Variants in AP1G1 observed in about 807,000 individuals in gnomAD.
The protein encoded by AP1G1 is AP-1 complex subunit gamma-1.
Under a neutral mutation model 108.3 loss-of-function variants are expected in AP1G1, and 7 were observed. That is an observed-to-expected ratio of 0.06 (90% CI 0.04 to 0.12). The LOEUF is 0.12. AP1G1 is among the 10% of genes least tolerant of loss of function. The pLI is 1.00. For synonymous variants in AP1G1, 379 were observed against 353.5 expected (o/e 1.07, Z -0.81); for missense variants, 756 against 1,010.7 (o/e 0.75, Z 3.42).
At chr16:71,753,714 G>T in intron 13 of AP1G1, 119 bp downstream of exon 13, 1 of 847,950 alleles carries the variant, frequency 1.2e-6, no homozygotes, top group Non-Finnish European at 1.9e-6. Context: ...ATTCCTAACT[G>T]ACATTAATGT....
intron 1 of AP1G1, among the ~76,000 whole-genome samples, chr16:71,801,336 A>C (rs560565994): frequency 6.7e-6 from 1 of 149,472 alleles, no homozygotes; most frequent in African/African-American, 2.5e-5. Context: ...GACATGTTAA[A>C]AAAAAAAAAA....
At chr16:71,737,811 G>C (rs542915832) in intron 21 of AP1G1, among the ~76,000 whole-genome samples, 1 of 152,394 alleles carries the variant, frequency 6.6e-6, no homozygotes, top group African/African-American at 2.4e-5. Context: ...GTCTAAACCA[G>C]TGGTTGGCAA....
chr16:71,801,999 A>T (rs2032819389), intron 1 of AP1G1, among the ~76,000 whole-genome samples: 1 of 152,112 alleles, frequency 6.6e-6, no homozygotes, highest in African/African-American at 2.4e-5. Flanking sequence ...TTAGGGATGT[A>T]CAAGTGGTGT....
At chr16:71,738,591 C>G (rs951531011) in intron 21 of AP1G1, among the ~76,000 whole-genome samples, 30 of 152,100 alleles carry the variant, frequency 2.0e-4, no homozygotes, top group African/African-American at 6.3e-4. Flanking sequence ...TAACTTTAAT[C>G]CTATGCCATA....
rs555461808 is a variant in AP1G1 at position 71,774,434 on chromosome 16, A to G, written c.326+34T>C. 9 of 1,582,796 alleles carry G rather than the reference A, an allele frequency of 5.7e-6. No individual in the cohort carries two copies. In the African/African-American group the frequency reaches 6.9e-5, roughly 12 times the overall value. On this transcript the variant is annotated intron_variant, in intron 3 of 22. Transcript: ENST00000299980. ...AAATACAAAAAAGAACAAAGTAGTT[A>G]ACAGTTGTTAGAAGAAAGAAAAGTA...
chr16:71,732,817 A>G lies in AP1G1; in HGVS notation c.*241T>C. The G allele has an allele frequency of 2.5e-6, 1 of 403,760 alleles. No individual in the cohort carries two copies. The highest frequency in any genetic ancestry group is 5.6e-5 in the South Asian group (1 of 17,832). The allele number at this position is 403,760 out of a possible 1,614,324, so 25.0% of individuals were successfully genotyped here. ...GGGAGGGGTGGAGAAGTGCGGAAAA[A>G]GGAGAAGAGGAAGAGTGCAAAGTAG... On this transcript the variant is annotated 3_prime_UTR_variant, in exon 23 of 23. Coordinates refer to ENST00000299980, the MANE Select transcript of AP1G1 (RefSeq NM_001128.6).
Position 71,808,760 on chromosome 16 carries a change from C to A in AP1G1, c.-4+3G>T. On this transcript the variant is annotated splice_donor_region_variant and intron_variant, in intron 1 of 22. Transcript: ENST00000299980. Reference sequence around the variant, plus strand: ...TGCTCTCAGCGCCGGGAGTGACACTCACCGGCCCGAAACCTCGAATGAAAC... The same window carrying A: ...TGCTCTCAGCGCCGGGAGTGACACTAACCGGCCCGAAACCTCGAATGAAAC... 7.8e-7 allele frequency: 1 copy of A among 1,289,616 alleles called. No individual in the cohort carries two copies. Among genetic ancestry groups the A allele is most frequent in the Non-Finnish European group, 1.0e-6 (1 of 988,728 alleles). 79.9% of individuals were successfully genotyped at this position (1,289,616 alleles called of 1,614,324 possible).
chr16:71,792,643 C>G (rs2032446621), intron 1 of AP1G1, among the ~76,000 whole-genome samples: 1 of 151,960 alleles, frequency 6.6e-6, no homozygotes, highest in South Asian at 2.1e-4. Context: ...CACCTGAGGT[C>G]AGGAGTTCGA....
At chr16:71,793,412 A>T (rs1478030343) in intron 1 of AP1G1, among the ~76,000 whole-genome samples, 1 of 152,188 alleles carries the variant, frequency 6.6e-6, no homozygotes, top group African/African-American at 2.4e-5. Flanking sequence ...AGAAAACTGT[A>T]AGGGAAAGAG....
intron 2 of AP1G1, among the ~76,000 whole-genome samples, chr16:71,785,856 T>C (rs935416569): frequency 2.0e-5 from 3 of 151,902 alleles, no homozygotes; most frequent in African/African-American, 7.3e-5. Context: ...CACTCCAGCC[T>C]GGGCAACAGG....
chr16:71,771,186 T>C lies in AP1G1; in HGVS notation c.535A>G (p.Thr179Ala), dbSNP rs142324252. ...TTCTTCTCATTCAATAAATTTTTTG[T>C]TGCTGGTAAAAACATCTCCATAAGT... ...PELMEMFLPATKNLLNEKNHG... is the reference protein window; with the variant it reads ...PELMEMFLPAAKNLLNEKNHG... The change falls in exon 5 of 23, where the codon ACA becomes GCA. Residue 179 changes from threonine to alanine, a missense_variant. Transcript: ENST00000299980. 8.1e-6 allele frequency: 13 copies of C among 1,610,380 alleles called. No homozygotes were observed. The highest frequency in any genetic ancestry group is 1.1e-5 in the Non-Finnish European group (13 of 1,178,318).
At chr16:71,794,619 AATAAG>A (rs1450206428) in intron 1 of AP1G1, among the ~76,000 whole-genome samples, 1 of 152,114 alleles carries the variant, frequency 6.6e-6, no homozygotes, top group Admixed American at 6.5e-5. Context: ...GCTTAAACTA[AATAAG>A]ATTACTTTAT....
chr16:71,794,835 C>CCTTTTTTTTT lies in AP1G1; in HGVS notation c.-3-5354_-3-5353insAAAAAAAAAG, dbSNP rs574266046. Among the ~76,000 whole-genome samples, 2 of 39,632 alleles carry CCTTTTTTTTT rather than the reference C, an allele frequency of 5.0e-5. 1 individual carries two copies. The highest frequency in any genetic ancestry group is 2.8e-3 in the South Asian group (2 of 714). The allele number at this position is 39,632 out of a possible 152,430, so 26.0% of individuals were successfully genotyped here. ...TACCATTCTCAGGCCATGAGAAGTGCTTTTTTTTTTTTTTTTTTTTTTTTT... is the reference window on the plus strand; with the variant it reads ...TACCATTCTCAGGCCATGAGAAGTGCCTTTTTTTTTTTTTTTTTTTTTTTTTTTTTTTTTT... On this transcript the variant is annotated intron_variant, in intron 1 of 22. Transcript: ENST00000299980.
In AP1G1 at chr16:71,729,838, G is replaced by C. The variant is rs2045461655; in HGVS notation, c.*3220C>G. ...CACTGTGGTTAAAATACATTCACTAGAAAAAAATAGACACATTCAAACTCC... is the reference window on the plus strand; with the variant it reads ...CACTGTGGTTAAAATACATTCACTACAAAAAAATAGACACATTCAAACTCC... On this transcript the variant is annotated 3_prime_UTR_variant, in exon 23 of 23. Transcript: ENST00000299980. 6.6e-6 allele frequency: 1 copy of C among 152,430 alleles called. No individual in the cohort carries two copies. The highest frequency in any genetic ancestry group is 2.4e-5 in the African/African-American group (1 of 41,394). The allele number at this position is 152,430 out of a possible 1,614,324, so 9.4% of individuals were successfully genotyped here.
chr16:71,756,265 C>T lies in AP1G1; in HGVS notation c.1089-106G>A, dbSNP rs530490062. 2.9e-5 allele frequency: 25 copies of T among 876,444 alleles called. No individual in the cohort carries two copies. In the East Asian group the frequency reaches 3.3e-4, roughly 12 times the overall value. 54.3% of individuals were successfully genotyped at this position (876,444 alleles called of 1,614,324 possible). A position where few individuals can be genotyped will look rare whatever the true frequency, so the allele number is the denominator to read the frequency against. ...CACCAAGTACTGCCAGATGTGCTGA[C>T]GTCCTTGCACGATCTTGTGATCCCA... is the stretch of plus-strand genomic sequence containing the variant. On this transcript the variant is annotated intron_variant, in intron 11 of 22. Transcript: ENST00000299980.
intron 1 of AP1G1, among the ~76,000 whole-genome samples, chr16:71,806,938 C>T (rs1200152386): frequency 6.6e-6 from 1 of 152,168 alleles, no homozygotes; most frequent in Non-Finnish European, 1.5e-5. Context: ...AATAATGCAT[C>T]TATAAGTGGC....
rs2030680342 is a variant in AP1G1, at chr16:71,754,581, G to C, written c.1230-694C>G. ...GGACGCCAAGGAGGAAGGAGTGCTTGAGGCCAGGAGTTCCACACAAACCTG... is the reference window on the plus strand; with the variant it reads ...GGACGCCAAGGAGGAAGGAGTGCTTCAGGCCAGGAGTTCCACACAAACCTG... On this transcript the variant is annotated intron_variant, in intron 12 of 22. Coordinates refer to ENST00000299980, the MANE Select transcript of AP1G1 (RefSeq NM_001128.6). 2.0e-5 allele frequency among the ~76,000 whole-genome samples: 3 copies of C among 152,168 alleles called. No individual in the cohort carries two copies. In the South Asian group the frequency reaches 6.2e-4, roughly 32 times the overall value.
intron 19 of AP1G1, among the ~76,000 whole-genome samples, chr16:71,744,050 C>A (rs1454548743): frequency 6.6e-6 from 1 of 151,976 alleles, no homozygotes; most frequent in Admixed American, 6.6e-5. Flanking sequence ...CAGGACCAGC[C>A]TGACGAACAT....
chr16:71,756,290 A>C, intron 11 of AP1G1, 131 bp from the exon 12 acceptor site: 1 of 697,232 alleles, frequency 1.4e-6, no homozygotes. Flanking sequence ...TTGTGATCCC[A>C]ATCTTTGCAC....
Sources: gnomAD v4.1 joint callset for allele counts (sites outside exome capture counted in the v4.1 genomes callset) on GRCh38, gnomAD v4.1.1 for gene constraint, MANE v1.5 for transcripts, NCBI Gene and HGNC (gene_info 2026-07-23, HGNC 2026-07-21) for gene names.